The following NBAS variants were observed in gnomAD, a reference collection of about 807,000 sequenced individuals.
The protein encoded by NBAS is NBAS subunit of NRZ tethering complex.
A neutral mutation model predicts 302.5 loss-of-function variants in NBAS; 219 were observed. The ratio of observed to expected loss-of-function variants is 0.72; its 90% CI spans 0.65 to 0.81. The LOEUF (loss-of-function observed/expected upper bound fraction) is 0.81. Ranked by LOEUF, NBAS falls within the 30% of genes least tolerant of loss-of-function variation. The pLI is 0.00. For synonymous variants in NBAS, 1,118 were observed against 1,021.6 expected, an observed-to-expected ratio of 1.09 and a Z score of -1.80; for missense variants, 2,932 against 2,841.6, an observed-to-expected ratio of 1.03 and a Z score of -0.72.
intron 39 of NBAS, 124 bp from the exon 40 acceptor site, chr2:15,308,477 C>T (rs1671129197): frequency 8.3e-7 from 1 of 1,210,808 alleles, no homozygotes; most frequent in African/African-American, 1.5e-5. Context: ...TCAACTCAAG[C>T]TCAAGATCAA....
intron 32 of NBAS, among the ~76,000 whole-genome samples, chr2:15,357,113 C>T (rs1441137553): frequency 1.3e-5 from 2 of 152,162 alleles, no homozygotes; most frequent in Non-Finnish European, 2.9e-5. Flanking sequence ...AGCCCTCAGG[C>T]AAGAATTTGT....
intron 25 of NBAS, among the ~76,000 whole-genome samples, chr2:15,413,139 T>A (rs1300694796): frequency 1.3e-5 from 2 of 152,250 alleles, no homozygotes; most frequent in Non-Finnish European, 2.9e-5. Flanking sequence ...CACTTTGCTC[T>A]GTATGTATGT....
the NBAS span, among the ~76,000 whole-genome samples, chr2:15,071,516 C>G: frequency 1.3e-5 from 2 of 150,398 alleles, no homozygotes; most frequent in African/African-American, 4.9e-5. Flanking sequence ...CCCAGCTACT[C>G]GGGGGACTGA....
At chr2:14,862,532 T>C in the NBAS span, among the ~76,000 whole-genome samples, 1 of 152,128 alleles carries the variant, frequency 6.6e-6, no homozygotes, top group African/African-American at 2.4e-5. Flanking sequence ...TGTAATCTTG[T>C]GAAGAGAAAA....
At chr2:14,980,127 C>T in the NBAS span, among the ~76,000 whole-genome samples, 1 of 152,108 alleles carries the variant, frequency 6.6e-6, no homozygotes, top group African/African-American at 2.4e-5. Context: ...GAAGAGAATG[C>T]TAATGGGAAA....
intron 8 of NBAS, 84 bp downstream of exon 8, chr2:15,536,332 CAA>C (rs748482603): frequency 4.9e-4 from 559 of 1,147,728 alleles, no homozygotes; most frequent in Admixed American, 7.1e-4. Flanking sequence ...AGACAGAAAG[CAA>C]AAAAAAAAAG....
intron 38 of NBAS, among the ~76,000 whole-genome samples, chr2:15,323,282 G>T (rs967480760): frequency 2.0e-5 from 3 of 152,100 alleles, no homozygotes; most frequent in African/African-American, 7.2e-5. Context: ...GACATTCATT[G>T]TGCACCCACC....
the NBAS span, among the ~76,000 whole-genome samples, chr2:14,849,447 C>T: frequency 6.6e-6 from 1 of 151,628 alleles, no homozygotes; most frequent in Non-Finnish European, 1.5e-5. Context: ...ACCAAATTTA[C>T]GTCTGATTGG....
chr2:15,540,519 G>A (rs1194812106), intron 6 of NBAS, among the ~76,000 whole-genome samples: 1 of 151,660 alleles, frequency 6.6e-6, no homozygotes, highest in African/African-American at 2.4e-5. Context: ...ACATTCTTCT[G>A]CCACTTTAAA....
chr2:15,470,986 A>T (rs1679934672), intron 16 of NBAS, among the ~76,000 whole-genome samples: 1 of 152,088 alleles, frequency 6.6e-6, no homozygotes, highest in South Asian at 2.1e-4. Context: ...AAAAATCATA[A>T]GCTCCCTATG....
the NBAS span, among the ~76,000 whole-genome samples, chr2:14,827,242 T>C: frequency 6.6e-6 from 1 of 152,214 alleles, no homozygotes; most frequent in African/African-American, 2.4e-5. Flanking sequence ...ACATTGTGAG[T>C]GGTGATTTGG....
At chr2:15,431,276 T>C (rs1572839606) in intron 21 of NBAS, among the ~76,000 whole-genome samples, 1 of 152,022 alleles carries the variant, frequency 6.6e-6, no homozygotes, top group East Asian at 1.9e-4. Context: ...TGATCACTCA[T>C]GTTCATGTAA....
chr2:15,487,854 G>A (rs946304540), intron 12 of NBAS, among the ~76,000 whole-genome samples: 3 of 152,318 alleles, frequency 2.0e-5, no homozygotes, highest in African/African-American at 7.2e-5. Flanking sequence ...CAATAAGGGA[G>A]AAAGAGTGGT....
At chr2:15,439,375 C>T (rs1394721754) in intron 21 of NBAS, among the ~76,000 whole-genome samples, 1 of 151,844 alleles carries the variant, frequency 6.6e-6, no homozygotes, top group Non-Finnish European at 1.5e-5. Context: ...AAAAGGCTGC[C>T]CTGTTCCCAC....
chr2:15,190,386 A>C lies in NBAS; in HGVS notation c.6450T>G (p.Ile2150Met). 6.2e-7 allele frequency: 1 copy of C among 1,613,940 alleles called. No homozygotes were observed. Among genetic ancestry groups the C allele is most frequent in the Non-Finnish European group, 8.5e-7 (1 of 1,179,886 alleles). ...GACAGTAGCGGTTCTCTTCATTCTCAATGTCAGCTATGTCTACCTGGAAGA... is the reference window on the plus strand; with the variant it reads ...GACAGTAGCGGTTCTCTTCATTCTCCATGTCAGCTATGTCTACCTGGAAGA... ...WPQRQVDIAD[I>M]ENEENRYCLF... The change falls in exon 49 of 52, where the codon ATT becomes ATG. Residue 2150 changes from isoleucine to methionine, a missense_variant. Ile to Met is a conservative substitution (Grantham distance 10). Transcript: ENST00000281513.
intron 18 of NBAS, 79 bp from the exon 19 acceptor site, chr2:15,467,486 A>T: frequency 7.2e-7 from 1 of 1,395,730 alleles, no homozygotes; most frequent in South Asian, 1.2e-5. Context: ...AATGATTAAT[A>T]TTCCGTTGAG....
chr2:15,081,115 T>C, the NBAS span, among the ~76,000 whole-genome samples: 1 of 152,106 alleles, frequency 6.6e-6, no homozygotes, highest in African/African-American at 2.4e-5. Context: ...ATCAACCAGT[T>C]ACCTCTGGCT....
the NBAS span, among the ~76,000 whole-genome samples, chr2:14,973,318 G>A: frequency 6.6e-6 from 1 of 152,150 alleles, no homozygotes; most frequent in African/African-American, 2.4e-5. Context: ...GACTACTGTT[G>A]TGCAACTGCT....
the NBAS span, among the ~76,000 whole-genome samples, chr2:15,121,109 C>T: frequency 0.14 from 20,668 of 152,104 alleles, 2,671 homozygotes; most frequent in African/African-American, 0.32. Context: ...AATTATTTGT[C>T]GATTTCAAGC....
Sources: allele counts gnomAD v4.1 joint callset (sites outside exome capture counted in the v4.1 genomes callset), GRCh38; gene constraint gnomAD v4.1.1; transcripts MANE v1.5; gene names NCBI Gene and HGNC (gene_info 2026-07-23, HGNC 2026-07-21).